ROBO1: variants seen among roughly 807,000 people sequenced by gnomAD.
The protein encoded by ROBO1 is roundabout homolog 1.
A neutral mutation model predicts 195.9 loss-of-function variants in ROBO1; 149 were observed. The observed-to-expected ratio is 0.76, with a 90% confidence interval of 0.67 to 0.87. ROBO1 has a LOEUF of 0.87. Ranked by LOEUF, ROBO1 falls within the 40% of genes least tolerant of loss-of-function variation. The probability of loss-of-function intolerance (pLI) is 0.00; values close to 1 mark genes in which losing one functional copy is unlikely to be tolerated. For synonymous variants in ROBO1, 816 were observed against 733.2 expected (o/e 1.11, Z -1.82); for missense variants, 1,933 against 2,068.3 (o/e 0.93, Z 1.27).
intron 10 of ROBO1, among the ~76,000 whole-genome samples, chr3:78,675,615 A>T (rs1575903775): frequency 6.6e-6 from 1 of 151,944 alleles, no homozygotes; most frequent in Non-Finnish European, 1.5e-5. Context: ...AGGCTGGGGG[A>T]GGGGGGCCTG....
At chr3:78,936,578 C>T (rs2039819294) in intron 4 of ROBO1, among the ~76,000 whole-genome samples, 1 of 151,570 alleles carries the variant, frequency 6.6e-6, no homozygotes, top group Non-Finnish European at 1.5e-5. Flanking sequence ...TCTTTTTTTC[C>T]CTTGCGATTA....
At chr3:78,837,625 C>G (rs2032855125) in intron 4 of ROBO1, among the ~76,000 whole-genome samples, 1 of 151,926 alleles carries the variant, frequency 6.6e-6, no homozygotes, top group Non-Finnish European at 1.5e-5. Context: ...GATATGAGCA[C>G]TTATGTGACA....
chr3:78,646,864 A>G (rs973557598), intron 20 of ROBO1, among the ~76,000 whole-genome samples: 3 of 152,124 alleles, frequency 2.0e-5, no homozygotes, highest in African/African-American at 7.2e-5. Context: ...GAAAAATTTA[A>G]CCATAACAAA....
chr3:79,207,634 AT>A (rs1163591246), intron 2 of ROBO1, among the ~76,000 whole-genome samples: 2 of 152,002 alleles, frequency 1.3e-5, no homozygotes, highest in African/African-American at 4.8e-5. Flanking sequence ...CTATCCCTCT[AT>A]TTTTTTGTTA....
chr3:79,461,459 A>G (rs1937633823), intron 2 of ROBO1, among the ~76,000 whole-genome samples: 1 of 152,142 alleles, frequency 6.6e-6, no homozygotes, highest in East Asian at 1.9e-4. Flanking sequence ...GGCACAGCTG[A>G]GCACACCCTT....
At chr3:79,694,001 CT>C (rs1947370849) in intron 1 of ROBO1, among the ~76,000 whole-genome samples, 1 of 150,862 alleles carries the variant, frequency 6.6e-6, no homozygotes, top group Admixed American at 6.6e-5. Flanking sequence ...TACGTGTTAA[CT>C]TAAAAAAAAA....
intron 2 of ROBO1, among the ~76,000 whole-genome samples, chr3:79,159,043 C>T (rs865889798): frequency 6.6e-6 from 1 of 151,594 alleles, no homozygotes; most frequent in African/African-American, 2.4e-5. Context: ...AAATAATATC[C>T]CCCATATTAT....
At chr3:79,078,202 A>T (rs114637272) in intron 3 of ROBO1, among the ~76,000 whole-genome samples, 98 of 151,954 alleles carry the variant, frequency 6.4e-4, no homozygotes, top group African/African-American at 2.3e-3. Flanking sequence ...ATTTTATCTA[A>T]ACATATTAAC....
intron 4 of ROBO1, among the ~76,000 whole-genome samples, chr3:78,840,935 G>A (rs768616948): frequency 2.6e-5 from 4 of 151,260 alleles, no homozygotes; most frequent in South Asian, 2.1e-4. Flanking sequence ...GGTGGTGGGC[G>A]CCTGTAGTCC....
At chr3:78,868,650 A>C (rs2035332632) in intron 4 of ROBO1, among the ~76,000 whole-genome samples, 1 of 152,198 alleles carries the variant, frequency 6.6e-6, no homozygotes. Flanking sequence ...CTAAAATTTC[A>C]GGATAAAATA....
chr3:78,657,656 C>T (rs905416584), intron 17 of ROBO1, among the ~76,000 whole-genome samples: 9 of 152,168 alleles, frequency 5.9e-5, no homozygotes, highest in Admixed American at 3.9e-4. Flanking sequence ...AAGAATAATA[C>T]TCATTCAACA....
intron 3 of ROBO1, among the ~76,000 whole-genome samples, chr3:79,086,563 A>G (rs1425808216): frequency 6.6e-6 from 1 of 152,176 alleles, no homozygotes. Flanking sequence ...TAAGCTGCCC[A>G]GACAGCTGAA....
chr3:79,641,191 T>G (rs1044217704), intron 1 of ROBO1, among the ~76,000 whole-genome samples: 4 of 152,166 alleles, frequency 2.6e-5, no homozygotes, highest in African/African-American at 9.6e-5. Flanking sequence ...AGGTAGAGTA[T>G]CTGATTAGAC....
At chr3:78,787,573 C>T (rs2083874976) in intron 4 of ROBO1, among the ~76,000 whole-genome samples, 1 of 152,178 alleles carries the variant, frequency 6.6e-6, no homozygotes, top group Non-Finnish European at 1.5e-5. Flanking sequence ...TTCAGTAAAA[C>T]AAGCTATCAC....
chr3:79,552,937 G>A (rs1041511106), intron 2 of ROBO1, among the ~76,000 whole-genome samples: 1 of 151,918 alleles, frequency 6.6e-6, no homozygotes, highest in Non-Finnish European at 1.5e-5. Flanking sequence ...TTGAAAATTT[G>A]CTATTGCTAA....
At chr3:79,561,449 G>T (rs1942917244) in intron 2 of ROBO1, among the ~76,000 whole-genome samples, 1 of 152,140 alleles carries the variant, frequency 6.6e-6, no homozygotes, top group African/African-American at 2.4e-5. Flanking sequence ...GCATAAAGTT[G>T]GGTCTCAGAG....
At chr3:79,198,938 T>C (rs2081701886) in intron 2 of ROBO1, among the ~76,000 whole-genome samples, 1 of 152,050 alleles carries the variant, frequency 6.6e-6, no homozygotes, top group African/African-American at 2.4e-5. Context: ...GCTGAGATGA[T>C]GGGGTTTTCT....
intron 19 of ROBO1, among the ~76,000 whole-genome samples, chr3:78,648,540 T>C (rs1470673451): frequency 6.6e-6 from 1 of 151,962 alleles, no homozygotes; most frequent in Non-Finnish European, 1.5e-5. Flanking sequence ...GTAGCAGCCA[T>C]TCCTCCCCCA....
intron 2 of ROBO1, among the ~76,000 whole-genome samples, chr3:79,244,068 T>C (rs909086444): frequency 6.6e-6 from 1 of 152,144 alleles, no homozygotes; most frequent in Admixed American, 6.6e-5. Flanking sequence ...TCACTATTTC[T>C]TTTGGTTCTA....
Sources: gnomAD v4.1 joint callset for allele counts (sites outside exome capture counted in the v4.1 genomes callset) on GRCh38, gnomAD v4.1.1 for gene constraint, MANE v1.5 for transcripts, NCBI Gene and HGNC (gene_info 2026-07-23, HGNC 2026-07-21) for gene names.